Variants in PRR5L observed in about 807,000 individuals in gnomAD.
PRR5L encodes the protein proline rich 5 like, also known as proline-rich protein 5-like.
A neutral mutation model predicts 36.4 loss-of-function variants in PRR5L; 21 were observed. That is an observed-to-expected ratio of 0.58 (90% CI 0.41 to 0.83). The LOEUF (loss-of-function observed/expected upper bound fraction) is 0.83, where lower values mean the gene tolerates loss of function less well. Among genes scored for constraint, PRR5L ranks in the 40% least tolerant of loss-of-function variants. PRR5L has a pLI of 0.00. For missense variants in PRR5L, 381 were observed against 473.3 expected (o/e 0.80, Z 1.81); for synonymous variants, 188 against 197.0 (o/e 0.95, Z 0.38).
intron 1 of PRR5L, among the ~76,000 whole-genome samples, chr11:36,350,270 G>C (rs1856915074): frequency 6.7e-6 from 1 of 150,356 alleles, no homozygotes; most frequent in Admixed American, 6.6e-5. Context: ...TGAGTGTGTG[G>C]ATGTGTGAGT....
chr11:36,407,845 T>C (rs973595639), intron 3 of PRR5L, among the ~76,000 whole-genome samples: 1 of 152,230 alleles, frequency 6.6e-6, no homozygotes, highest in Non-Finnish European at 1.5e-5. Context: ...TTAAGACATG[T>C]CTTTGAAAAT....
chr11:36,359,073 G>A (rs1451192592), intron 1 of PRR5L, among the ~76,000 whole-genome samples: 2 of 152,176 alleles, frequency 1.3e-5, no homozygotes, highest in Non-Finnish European at 2.9e-5. Context: ...CTAATGCTAG[G>A]AGAACTGCAT....
At chr11:36,349,344 T>G (rs1251571880) in intron 1 of PRR5L, among the ~76,000 whole-genome samples, 2 of 111,082 alleles carry the variant, frequency 1.8e-5, no homozygotes, top group Non-Finnish European at 3.8e-5. Flanking sequence ...GCAACTAAAT[T>G]AAAGTTAAAA....
chr11:36,351,775 ATTTATATATTTTT>A (rs1471893426), intron 1 of PRR5L, among the ~76,000 whole-genome samples: 3 of 39,048 alleles, frequency 7.7e-5, no homozygotes, highest in Non-Finnish European at 1.4e-4. Flanking sequence ...ATTTATATAT[ATTTATATATTTTT>A]TTTATATATA....
chr11:36,453,610 G>A (rs1054656165), intron 8 of PRR5L, among the ~76,000 whole-genome samples: 1 of 152,158 alleles, frequency 6.6e-6, no homozygotes, highest in African/African-American at 2.4e-5. Flanking sequence ...TGGCACACTG[G>A]GAGGTGCTAT....
chr11:36,412,534 C>A (rs1309321208), intron 3 of PRR5L, among the ~76,000 whole-genome samples: 1 of 152,178 alleles, frequency 6.6e-6, no homozygotes, highest in Non-Finnish European at 1.5e-5. Flanking sequence ...CTCAAAGGAG[C>A]TTATGGCCTA....
intron 1 of PRR5L, among the ~76,000 whole-genome samples, chr11:36,326,325 A>G (rs77556191): frequency 7.2e-5 from 11 of 151,806 alleles, no homozygotes; most frequent in African/African-American, 2.4e-4. Context: ...ACACACACAC[A>G]CACACACACA....
intron 3 of PRR5L, among the ~76,000 whole-genome samples, chr11:36,418,147 G>A (rs2133580798): frequency 6.6e-6 from 1 of 152,314 alleles, no homozygotes; most frequent in East Asian, 1.9e-4. Flanking sequence ...CAGAGACCTT[G>A]TCTGTCTCAT....
chr11:36,307,530 C>T (rs1856448132), intron 1 of PRR5L, among the ~76,000 whole-genome samples: 1 of 152,168 alleles, frequency 6.6e-6, no homozygotes, highest in Admixed American at 6.5e-5. Flanking sequence ...CTGTTGCCTA[C>T]ATCCTCAGGC....
chr11:36,374,839 G>C (rs1320232352), intron 1 of PRR5L, among the ~76,000 whole-genome samples: 1 of 152,214 alleles, frequency 6.6e-6, no homozygotes, highest in Non-Finnish European at 1.5e-5. Flanking sequence ...CAGAGTATGG[G>C]AAGAAGAGGA....
At chr11:36,307,204 A>G (rs986753197) in intron 1 of PRR5L, among the ~76,000 whole-genome samples, 1 of 152,168 alleles carries the variant, frequency 6.6e-6, no homozygotes, top group African/African-American at 2.4e-5. Context: ...CCCCCTTCCC[A>G]GCTACTAGAC....
At chr11:36,459,288 T>G (rs1276647515) in intron 8 of PRR5L, among the ~76,000 whole-genome samples, 2 of 152,164 alleles carry the variant, frequency 1.3e-5, no homozygotes, top group African/African-American at 4.8e-5. Context: ...GGACCCAGCC[T>G]TGTCATGGTG....
At position 36,451,417 on chromosome 11, in the gene PRR5L, G is replaced by C. The variant is rs754536709; in HGVS notation, c.712+82G>C. The C allele has an allele frequency of 4.0e-6, 6 of 1,514,292 alleles. No individual in the cohort carries two copies. In the South Asian group the frequency reaches 7.1e-5, roughly 18 times the overall value. The allele number at this position is 1,514,292 out of a possible 1,614,324, so 93.8% of individuals were successfully genotyped here. Reference sequence around the variant, plus strand: ...GTTTAACTGAGCACTGTTTAACTGAGCACTGATACCAGCACTGTTTAACTG... The same window carrying C: ...GTTTAACTGAGCACTGTTTAACTGACCACTGATACCAGCACTGTTTAACTG... On this transcript the variant is annotated intron_variant, in intron 8 of 8. Coordinates refer to ENST00000530639, the MANE Select transcript of PRR5L (RefSeq NM_001160167.2).
intron 1 of PRR5L, among the ~76,000 whole-genome samples, chr11:36,326,774 T>G (rs950432976): frequency 3.9e-5 from 6 of 151,902 alleles, no homozygotes; most frequent in African/African-American, 9.7e-5. Flanking sequence ...AAATGACTTT[T>G]TAAATGCCAC....
chr11:36,402,099 A>G (rs933558660), intron 2 of PRR5L, among the ~76,000 whole-genome samples: 1 of 152,192 alleles, frequency 6.6e-6, no homozygotes, highest in African/African-American at 2.4e-5. Context: ...TGCACCAAGA[A>G]TTGAGCAGAC....
At chr11:36,323,533 C>T (rs1306604533) in intron 1 of PRR5L, 1 of 152,188 alleles carries the variant, frequency 6.6e-6, no homozygotes, top group African/African-American at 2.4e-5. Flanking sequence ...CTCCTGTGGG[C>T]TCTTATACAT....
At chr11:36,401,414 G>A in intron 2 of PRR5L, 129 bp downstream of exon 2, 5 of 898,204 alleles carry the variant, frequency 5.6e-6, no homozygotes, top group Non-Finnish European at 8.2e-6. Context: ...ATAATGACGA[G>A]AGCAAATTTT....
At chr11:36,333,276 G>A (rs997346734) in intron 1 of PRR5L, among the ~76,000 whole-genome samples, 2 of 152,110 alleles carry the variant, frequency 1.3e-5, no homozygotes, top group African/African-American at 2.4e-5. Context: ...ACTCCTATTC[G>A]CTGCTCGTGG....
At chr11:36,326,879 A>C (rs1246538458) in intron 1 of PRR5L, among the ~76,000 whole-genome samples, 1 of 152,198 alleles carries the variant, frequency 6.6e-6, no homozygotes, top group African/African-American at 2.4e-5. Flanking sequence ...AGGGGCAGAA[A>C]TAAAACCCTT....
Sources: allele counts gnomAD v4.1 joint callset (sites outside exome capture counted in the v4.1 genomes callset), GRCh38; gene constraint gnomAD v4.1.1; transcripts MANE v1.5; gene names NCBI Gene and HGNC (gene_info 2026-07-23, HGNC 2026-07-21).